The following REM1 variants were observed in gnomAD, a reference collection of about 807,000 sequenced individuals.
REM1 encodes the protein RRAD and GEM like GTPase 1.
A neutral mutation model predicts 27.0 loss-of-function variants in REM1; 20 were observed. The ratio of observed to expected loss-of-function variants is 0.74; its 90% CI spans 0.52 to 1.08. REM1 has a LOEUF of 1.08. Ranked by LOEUF, REM1 falls within the 50% of genes least tolerant of loss-of-function variation. The pLI, the probability that REM1 is intolerant of heterozygous loss-of-function variation, is 0.00. For synonymous variants in REM1, 159 were observed against 167.9 expected, an observed-to-expected ratio of 0.95 and a Z score of 0.41; for missense variants, 405 against 407.0, an observed-to-expected ratio of 1.00 and a Z score of 0.04.
intron 3 of REM1, among the ~76,000 whole-genome samples, chr20:31,478,418 T>A (rs564105492): frequency 6.6e-6 from 1 of 152,272 alleles, no homozygotes; most frequent in East Asian, 1.9e-4. Context: ...GTTTAAAGCA[T>A]GAAAAACTGC....
At chr20:31,480,236 T>TAG (rs1323913281) in intron 3 of REM1, among the ~76,000 whole-genome samples, 51 of 73,516 alleles carry the variant, frequency 6.9e-4, no homozygotes, top group African/African-American at 2.6e-3. Context: ...GATAGACAGA[T>TAG]ACATACATAC....
Position 31,484,360 on chromosome 20 carries a change from C to G in REM1, c.827C>G (p.Thr276Arg). ...QRARRFLARL[T>R]ARSARRRALK... ...GCTCGTCGCTTCCTGGCACGCCTGA[C>G]AGCCCGCAGCGCACGCCGCCGGGCA... The change falls in exon 5 of 5, where the codon ACA becomes AGA. Residue 276 changes from threonine to arginine, a missense_variant. Transcript: ENST00000201979. 1 of 1,558,626 alleles carries G rather than the reference C, an allele frequency of 6.4e-7. No individual in the cohort carries two copies.
At chr20:31,479,728 T>C (rs1980650432) in intron 3 of REM1, among the ~76,000 whole-genome samples, 1 of 152,126 alleles carries the variant, frequency 6.6e-6, no homozygotes, top group Non-Finnish European at 1.5e-5. Flanking sequence ...TCTGACAGAA[T>C]TGGATGGGCC....
At chr20:31,477,774 A>G in intron 2 of REM1, 54 bp from the exon 3 acceptor site, 1 of 1,372,820 alleles carries the variant, frequency 7.3e-7, no homozygotes, top group African/African-American at 1.4e-5. Flanking sequence ...GGAACACCAC[A>G]CTCTCTCAGG....
intron 3 of REM1, among the ~76,000 whole-genome samples, chr20:31,479,363 G>C (rs183388769): frequency 1.3e-3 from 203 of 152,310 alleles, no homozygotes; most frequent in African/African-American, 4.3e-3. Flanking sequence ...GCTGGTTAGA[G>C]GGTCTACTTT....
chr20:31,481,001 G>A (rs111241284), intron 3 of REM1, among the ~76,000 whole-genome samples: 10,820 of 152,168 alleles, frequency 0.071, 448 homozygotes, highest in Non-Finnish European at 0.092. Flanking sequence ...GGCCGAGCAC[G>A]GTGGCTCATG....
chr20:31,478,590 C>A (rs1980608205), intron 3 of REM1, among the ~76,000 whole-genome samples: 1 of 152,154 alleles, frequency 6.6e-6, no homozygotes, highest in African/African-American at 2.4e-5. Context: ...ATGGGTAATA[C>A]ATGCTCATTG....
rs1411472506 is a variant in REM1 at position 31,482,320 on chromosome 20, G to T, written c.457G>T (p.Gly153Trp). 1.2e-6 allele frequency: 2 copies of T among 1,614,164 alleles called. No individual in the cohort carries two copies. The highest frequency in any genetic ancestry group is 1.1e-5 in the South Asian group (1 of 91,084). Residue 153 changes from glycine to tryptophan, a missense_variant, in exon 4 of 5, where the codon GGG becomes TGG. Coordinates refer to ENST00000201979, the MANE Select transcript of REM1 (RefSeq NM_014012.6). ...KSWSQESCLQ[G>W]GSAYVIVYSI... ...CTGGAGCCAGGAGTCATGCCTGCAG[G>T]GGGGCAGTGCCTATGTCATCGTATA...
intron 3 of REM1, 69 bp downstream of exon 3, chr20:31,477,979 T>A: frequency 9.5e-6 from 9 of 947,212 alleles, no homozygotes; most frequent in Non-Finnish European, 1.5e-5. Context: ...TCCTGTCCCC[T>A]CCTGGGGACA....
rs1980515264 is a variant in REM1, at chr20:31,476,609, C to T, written c.164C>T (p.Pro55Leu). Residue 55 changes from proline (P) to leucine (L), a missense_variant, in exon 2 of 5, where the codon CCC becomes CTC. Transcript: ENST00000201979. ...GGCCAATCAGCCTCCCTCAACCCTC[C>T]CACCCAGAAACCTTCACCTGCCCCA... ...RLGQSASLNP[P>L]TQKPSPAPDD... 1 of 1,614,058 alleles carries T rather than the reference C, an allele frequency of 6.2e-7. No homozygotes were observed. The highest frequency in any genetic ancestry group is 8.5e-7 in the Non-Finnish European group (1 of 1,180,038).
At position 31,484,179 on chromosome 20, in the gene REM1, G is replaced by A; in HGVS notation, c.646G>A (p.Val216Met). ...SVEEGRACAV[V>M]FDCKFIETSA... ...CTTAGAGGGCCGCGCCTGCGCTGTG[G>A]TGTTCGACTGTAAATTCATCGAGAC... The change falls in exon 5 of 5, where the codon GTG becomes ATG. Residue 216 changes from valine (V) to methionine (M), a missense_variant. By Grantham distance (21) the Val-to-Met change is conservative. Coordinates refer to ENST00000201979, the MANE Select transcript of REM1 (RefSeq NM_014012.6). 2.5e-6 allele frequency: 4 copies of A among 1,602,656 alleles called. No homozygotes were observed. Among genetic ancestry groups the A allele is most frequent in the Non-Finnish European group, 3.4e-6 (4 of 1,173,896 alleles).
At chr20:31,481,921 C>G (rs1276140516) in intron 3 of REM1, among the ~76,000 whole-genome samples, 1 of 152,104 alleles carries the variant, frequency 6.6e-6, no homozygotes, top group Non-Finnish European at 1.5e-5. Flanking sequence ...AACCATATGG[C>G]AAGACTAAAC....
In REM1 at chr20:31,476,611, A is replaced by T; in HGVS notation, c.166A>T (p.Thr56Ser). 6.2e-7 allele frequency: 1 copy of T among 1,612,360 alleles called. No homozygotes were observed. Among genetic ancestry groups the T allele is most frequent in the Non-Finnish European group, 8.5e-7 (1 of 1,179,352 alleles). ...LGQSASLNPP[T>S]QKPSPAPDDW... ...CCAATCAGCCTCCCTCAACCCTCCC[A>T]CCCAGAAACCTTCACCTGCCCCAGA... The change falls in exon 2 of 5, where the codon ACC becomes TCC. Residue 56 changes from threonine (T) to serine (S), a missense_variant. Coordinates refer to ENST00000201979, the MANE Select transcript of REM1 (RefSeq NM_014012.6).
intron 2 of REM1, 136 bp downstream of exon 2, chr20:31,476,921 G>A (rs1021811694): frequency 1.9e-5 from 14 of 718,720 alleles, no homozygotes; most frequent in Non-Finnish European, 3.1e-5. Flanking sequence ...CTTAGACTAT[G>A]ACATGCACGA....
rs1482301343 is a variant in REM1, at chr20:31,484,245, G to A, written c.712G>A (p.Gly238Ser). The change falls in exon 5 of 5, where the codon GGC becomes AGC. Residue 238 changes from glycine to serine, a missense_variant. Physicochemically the swap from Gly to Ser is moderately conservative, Grantham distance 56. Coordinates refer to ENST00000201979, the MANE Select transcript of REM1 (RefSeq NM_014012.6). ...LQHNVAELFE[G>S]VVRQLRLRRR... ...GCACAATGTGGCCGAGCTCTTCGAG[G>A]GCGTGGTGCGCCAACTGCGCTTGCG... 1.9e-6 allele frequency: 3 copies of A among 1,605,492 alleles called. No individual in the cohort carries two copies. The Admixed American group carries it at 5.1e-5, about 27-fold the overall frequency.
At chr20:31,478,291 C>T (rs959347119) in intron 3 of REM1, among the ~76,000 whole-genome samples, 1 of 145,450 alleles carries the variant, frequency 6.9e-6, no homozygotes, top group African/African-American at 2.5e-5. Flanking sequence ...TAGTTTTGTG[C>T]AATTGACTTA....
chr20:31,484,501 G>A lies in REM1; in HGVS notation c.*71G>A. Reference sequence around the variant, plus strand: ...TGGGCTCCAGGGACGCCACTGCGGGGCAAAGGCGCCGTTACCTGGAGTCTG... The same window carrying A: ...TGGGCTCCAGGGACGCCACTGCGGGACAAAGGCGCCGTTACCTGGAGTCTG... On this transcript the variant is annotated 3_prime_UTR_variant, in exon 5 of 5. Coordinates refer to ENST00000201979, the MANE Select transcript of REM1 (RefSeq NM_014012.6). The A allele has an allele frequency of 1.4e-6, 2 of 1,422,448 alleles. No individual in the cohort carries two copies. The highest frequency in any genetic ancestry group is 1.5e-5 in the South Asian group (1 of 65,076). The allele number at this position is 1,422,448 out of a possible 1,614,324, so 88.1% of individuals were successfully genotyped here.
Position 31,484,290 on chromosome 20 carries a change from A to G in REM1, c.757A>G (p.Lys253Glu), listed in dbSNP as rs2233835. 1.7e-4 allele frequency: 272 copies of G among 1,589,766 alleles called. No individual in the cohort carries two copies. In the East Asian group the frequency reaches 5.1e-3, roughly 30 times the overall value. Residue 253 changes from lysine (K) to glutamate (E), a missense_variant, in exon 5 of 5, where the codon AAG becomes GAG. Physicochemically the swap from Lys to Glu is moderately conservative, Grantham distance 56 (BLOSUM62 1). Transcript: ENST00000201979. ...LRLRRRDSAA[K>E]EPPAPRRPAS... ...CTTGCGCCGCCGGGACAGTGCGGCC[A>G]AGGAACCCCCAGCACCCCGACGGCC...
Position 31,475,680 on chromosome 20 carries a change from A to C in REM1, c.-220+314A>C, listed in dbSNP as rs919621307. 1.3e-5 allele frequency among the ~76,000 whole-genome samples: 2 copies of C among 152,082 alleles called. No individual in the cohort carries two copies. Among genetic ancestry groups the C allele is most frequent in the African/African-American group, 4.8e-5 (2 of 41,420 alleles). ...CTGCCAGGACCCTGTCCTGTCACCT[A>C]ACCTGGGGCCTGACCGGCGGCAGCT... On this transcript the variant is annotated intron_variant, in intron 1 of 4. Transcript: ENST00000201979. This position sits in a 1 kb window ranked among gnomAD's most constrained non-coding sequence, Gnocchi z 5.0.
Sources: gnomAD v4.1 joint callset for allele counts (sites outside exome capture counted in the v4.1 genomes callset) on GRCh38, gnomAD v4.1.1 for gene constraint, Gnocchi (gnomAD v3.1) non-coding constraint, MANE v1.5 for transcripts, NCBI Gene and HGNC (gene_info 2026-07-23, HGNC 2026-07-21) for gene names.